AFG2A: variants seen among roughly 807,000 people sequenced by gnomAD.
AFG2A encodes ATPase family gene 2 protein homolog A.
the AFG2A span, among the ~76,000 whole-genome samples, chr4:123,022,301 T>C: frequency 6.6e-6 from 1 of 152,154 alleles, no homozygotes. Flanking sequence ...GACAAAGGAC[T>C]AATATCCAGA....
the AFG2A span, among the ~76,000 whole-genome samples, chr4:123,136,195 G>A: frequency 1.3e-5 from 2 of 152,160 alleles, no homozygotes; most frequent in Admixed American, 6.5e-5. Flanking sequence ...GATCACCCAC[G>A]ACATTGTCCT....
the AFG2A span, among the ~76,000 whole-genome samples, chr4:123,004,436 T>C: frequency 6.6e-6 from 1 of 152,258 alleles, no homozygotes; most frequent in African/African-American, 2.4e-5. Context: ...GAGCTGTTCC[T>C]ATTCAGCCAT....
At chr4:122,924,798 T>A in the AFG2A span, among the ~76,000 whole-genome samples, 1 of 152,140 alleles carries the variant, frequency 6.6e-6, no homozygotes, top group African/African-American at 2.4e-5. Flanking sequence ...GACTTTAAAA[T>A]TTATAATAGG....
At chr4:123,166,272 G>A in the AFG2A span, among the ~76,000 whole-genome samples, 3 of 152,102 alleles carry the variant, frequency 2.0e-5, no homozygotes, top group Non-Finnish European at 4.4e-5. Context: ...AGGATATAAA[G>A]CAGGAAGAAA....
chr4:122,961,661 C>T, the AFG2A span, among the ~76,000 whole-genome samples: 19 of 152,132 alleles, frequency 1.2e-4, 1 homozygote, highest in Non-Finnish European at 2.2e-4. Context: ...TGCACTACAA[C>T]GCCTGGCTAA....
chr4:123,075,765 C>T, the AFG2A span, among the ~76,000 whole-genome samples: 1 of 150,708 alleles, frequency 6.6e-6, no homozygotes, highest in African/African-American at 2.4e-5. Context: ...TGAGACCAGC[C>T]GGACCAACAT....
the AFG2A span, among the ~76,000 whole-genome samples, chr4:122,935,467 G>A: frequency 1.3e-5 from 2 of 151,094 alleles, no homozygotes; most frequent in East Asian, 3.9e-4. Flanking sequence ...CAATGTGGGT[G>A]TCCAGTTTTT....
the AFG2A span, among the ~76,000 whole-genome samples, chr4:123,214,427 T>G: frequency 6.6e-6 from 1 of 152,066 alleles, no homozygotes; most frequent in Non-Finnish European, 1.5e-5. Flanking sequence ...CAATAGGGCA[T>G]TAACATTGAT....
the AFG2A span, among the ~76,000 whole-genome samples, chr4:122,964,813 A>G: frequency 1.3e-5 from 2 of 152,216 alleles, no homozygotes; most frequent in Non-Finnish European, 2.9e-5. Flanking sequence ...GAGAACTACA[A>G]TAACCTTTAA....
the AFG2A span, among the ~76,000 whole-genome samples, chr4:123,202,225 G>A: frequency 7.2e-5 from 11 of 152,254 alleles, no homozygotes; most frequent in East Asian, 1.5e-3. Context: ...AGAAAGGTAA[G>A]TAAATAATAC....
chr4:123,212,696 A>G, the AFG2A span, among the ~76,000 whole-genome samples: 3,001 of 152,252 alleles, frequency 0.02, 78 homozygotes, highest in East Asian at 0.15. Flanking sequence ...CATCTGTATT[A>G]CAGGGATCAG....
At chr4:123,044,770 A>G in the AFG2A span, among the ~76,000 whole-genome samples, 3,236 of 151,026 alleles carry the variant, frequency 0.021, 58 homozygotes, top group Non-Finnish European at 0.035. Flanking sequence ...TGAGGATGTC[A>G]TTTTTTTTTT....
chr4:123,215,962 T>A, the AFG2A span, among the ~76,000 whole-genome samples: 1 of 152,166 alleles, frequency 6.6e-6, no homozygotes, highest in Non-Finnish European at 1.5e-5. Context: ...ACTTAGGTTA[T>A]TTTTGGTTTT....
the AFG2A span, among the ~76,000 whole-genome samples, chr4:123,050,085 CT>C: frequency 1.3e-5 from 2 of 151,882 alleles, no homozygotes; most frequent in Non-Finnish European, 2.9e-5. Flanking sequence ...GAAATATGAA[CT>C]GTACAGAAAC....
At chr4:123,192,551 G>T in the AFG2A span, among the ~76,000 whole-genome samples, 2 of 152,150 alleles carry the variant, frequency 1.3e-5, no homozygotes, top group South Asian at 4.1e-4. Context: ...TTTCACAGTA[G>T]CCATATTTTA....
the AFG2A span, among the ~76,000 whole-genome samples, chr4:123,209,980 G>A: frequency 2.6e-5 from 4 of 152,080 alleles, no homozygotes; most frequent in African/African-American, 9.7e-5. Context: ...GCTTCCTGCA[G>A]TCCCTAGACT....
At chr4:122,950,365 GTTTCGCTCTTGTTGCCC>G in the AFG2A span, among the ~76,000 whole-genome samples, 1 of 147,728 alleles carries the variant, frequency 6.8e-6, no homozygotes, top group East Asian at 2.0e-4. Context: ...TTGAGATGGA[GTTTCGCTCTTGTTGCCC>G]AGACTGGAGC....
the AFG2A span, among the ~76,000 whole-genome samples, chr4:123,283,749 T>A: frequency 1.1e-4 from 16 of 152,190 alleles, no homozygotes; most frequent in African/African-American, 3.6e-4. Flanking sequence ...TAAAGTTGTA[T>A]TGGAACACAG....
the AFG2A span, among the ~76,000 whole-genome samples, chr4:123,243,674 C>T: frequency 6.6e-6 from 1 of 151,938 alleles, no homozygotes; most frequent in Non-Finnish European, 1.5e-5. Flanking sequence ...GGAAGCAAAC[C>T]AACATGGCTC....
Sources: gnomAD v4.1 joint callset for allele counts (sites outside exome capture counted in the v4.1 genomes callset) on GRCh38, gnomAD v4.1.1 for gene constraint, MANE v1.5 for transcripts, NCBI Gene and HGNC (gene_info 2026-07-23, HGNC 2026-07-21) for gene names.